Variants in ABLIM2 observed in about 807,000 individuals in gnomAD.
The protein encoded by ABLIM2 is actin binding LIM protein family member 2, also known as actin-binding LIM protein 2.
In ABLIM2, 53 loss-of-function variants were observed where a neutral mutation model predicts 97.7. That is an observed-to-expected ratio of 0.54 (90% CI 0.44 to 0.68). ABLIM2 has a LOEUF of 0.68. Ranked by LOEUF, ABLIM2 falls within the 30% of genes least tolerant of loss-of-function variation. The probability of loss-of-function intolerance (pLI) is 0.00; values close to 1 mark genes in which losing one functional copy is unlikely to be tolerated. For missense variants in ABLIM2, 835 were observed against 867.2 expected, an observed-to-expected ratio of 0.96 and a Z score of 0.47; for synonymous variants, 361 against 345.8, an observed-to-expected ratio of 1.04 and a Z score of -0.49.
At chr4:7,987,909 C>A (rs1182869545) in intron 17 of ABLIM2, among the ~76,000 whole-genome samples, 1 of 152,314 alleles carries the variant, frequency 6.6e-6, no homozygotes, top group African/African-American at 2.4e-5. Context: ...CCAGAGGGCA[C>A]CACAAAGACA....
At chr4:8,042,610 C>T (rs1045830199) in intron 9 of ABLIM2, among the ~76,000 whole-genome samples, 9 of 152,126 alleles carry the variant, frequency 5.9e-5, no homozygotes, top group East Asian at 3.9e-4. Context: ...GCAGGCCAGG[C>T]GAGTGGATCA....
intron 1 of ABLIM2, among the ~76,000 whole-genome samples, chr4:8,133,375 C>T (rs1849700384): frequency 6.6e-6 from 1 of 151,744 alleles, no homozygotes; most frequent in Admixed American, 6.6e-5. Flanking sequence ...CAACATGTCC[C>T]CATTAAGGGA....
At position 8,066,384 on chromosome 4, in the gene ABLIM2, A is replaced by G. The variant is rs1428212303; in HGVS notation, c.676-5330T>C. ...AGGGAAGGAAGGAAGGAAGGAAGGA[A>G]GGAAGGAAGGAAGGAAGGAAGGAAG... On this transcript the variant is annotated intron_variant, in intron 6 of 20. Transcript: ENST00000447017. The G allele has an allele frequency of 2.2e-4, 19 of 86,338 alleles. 2 individuals are homozygous for G. In the Admixed American group the frequency reaches 2.7e-3, roughly 12 times the overall value. 5.3% of individuals were successfully genotyped at this position (86,338 alleles called of 1,614,324 possible).
At chr4:7,977,561 G>T (rs1038277660) in intron 20 of ABLIM2, among the ~76,000 whole-genome samples, 2 of 152,098 alleles carry the variant, frequency 1.3e-5, no homozygotes, top group Non-Finnish European at 2.9e-5. Context: ...AGGCTGAAGT[G>T]GGGGGATCAC....
intron 1 of ABLIM2, among the ~76,000 whole-genome samples, chr4:8,141,149 G>A (rs1850920058): frequency 6.6e-6 from 1 of 152,100 alleles, no homozygotes; most frequent in Non-Finnish European, 1.5e-5. Flanking sequence ...TCAAATCATA[G>A]CCTTGTCTCT....
At chr4:8,131,469 C>T (rs376832405) in intron 1 of ABLIM2, among the ~76,000 whole-genome samples, 6 of 152,170 alleles carry the variant, frequency 3.9e-5, no homozygotes, top group Admixed American at 2.6e-4. Flanking sequence ...GGGACCGGGA[C>T]GAGAACTATG....
rs568549055 is a variant in ABLIM2 at position 8,002,528 on chromosome 4, G to A, written c.1618+5531C>T. ...CAGAAAATGCAACATCTCCTGTCACGCTCGTGTCGTGCTGACGTTCCCCTC... is the reference window on the plus strand; with the variant it reads ...CAGAAAATGCAACATCTCCTGTCACACTCGTGTCGTGCTGACGTTCCCCTC... On this transcript the variant is annotated intron_variant, in intron 16 of 20. Coordinates refer to ENST00000447017, the MANE Select transcript of ABLIM2 (RefSeq NM_001130083.2). The surrounding 1 kb of genome is among the most constrained non-coding windows in gnomAD (Gnocchi z 6.1). 1.2e-4 allele frequency among the ~76,000 whole-genome samples: 19 copies of A among 152,250 alleles called. No individual in the cohort carries two copies. The South Asian group carries it at 3.7e-3, about 30-fold the overall frequency.
rs945217734 is a variant in ABLIM2 at position 7,996,548 on chromosome 4, G to A, written c.1619-3621C>T. Among the ~76,000 whole-genome samples, 4 of 152,300 alleles carry A rather than the reference G, an allele frequency of 2.6e-5. No homozygotes were observed. The highest frequency in any genetic ancestry group is 3.4e-3 in the Middle Eastern group (1 of 294). On this transcript the variant is annotated intron_variant, in intron 16 of 20. Coordinates refer to ENST00000447017, the MANE Select transcript of ABLIM2 (RefSeq NM_001130083.2). The surrounding 1 kb of genome is among the most constrained non-coding windows in gnomAD (Gnocchi z 4.5). ...CGTCTTCTGTTTCCCCTGAGCACCC[G>A]TATCAGATGGTGCTAGAAATTCTGC...
chr4:7,976,950 T>C (rs919260333), intron 20 of ABLIM2, among the ~76,000 whole-genome samples: 2 of 151,900 alleles, frequency 1.3e-5, no homozygotes, highest in Admixed American at 1.3e-4. Flanking sequence ...CATACATACA[T>C]ACACACAGTC....
intron 1 of ABLIM2, among the ~76,000 whole-genome samples, chr4:8,146,496 G>T (rs1237104818): frequency 1.3e-5 from 2 of 152,198 alleles, no homozygotes; most frequent in Non-Finnish European, 2.9e-5. Context: ...AGCAGTCATT[G>T]TCCTTTTGCG....
rs1303468949 is a variant in ABLIM2, at chr4:8,044,071, T to C, written c.900+1093A>G. The stretch of plus-strand genomic sequence containing the variant: ...CTCAGTGGCACTGTCAGGATTAAGG[T>C]CAGGAAGGACCCTGTGTCCAACCAC... On this transcript the variant is annotated intron_variant, in intron 9 of 20. Transcript: ENST00000447017. The surrounding 1 kb of genome is among the most constrained non-coding windows in gnomAD (Gnocchi z 4.4). 6.6e-6 allele frequency among the ~76,000 whole-genome samples: 1 copy of C among 152,058 alleles called. No homozygotes were observed. Among genetic ancestry groups the C allele is most frequent in the African/African-American group, 2.4e-5 (1 of 41,398 alleles).
intron 12 of ABLIM2, among the ~76,000 whole-genome samples, chr4:8,025,130 G>A (rs1310032275): frequency 6.6e-6 from 1 of 152,166 alleles, no homozygotes; most frequent in African/African-American, 2.4e-5. Context: ...GTTTCACCAT[G>A]TTGGCCAGGC....
chr4:8,144,615 C>T (rs1851504869), intron 1 of ABLIM2, among the ~76,000 whole-genome samples: 1 of 152,212 alleles, frequency 6.6e-6, no homozygotes, highest in African/African-American at 2.4e-5. Context: ...AGCTCCAGTG[C>T]CAGCCCAGCG....
intron 14 of ABLIM2, among the ~76,000 whole-genome samples, chr4:8,014,048 C>T (rs946462901): frequency 6.6e-6 from 1 of 152,230 alleles, no homozygotes; most frequent in African/African-American, 2.4e-5. Flanking sequence ...GCCAGGGGTG[C>T]CAGCCAAGGC....
At position 7,996,497 on chromosome 4, in the gene ABLIM2, C is replaced by T. The variant is rs954544317; in HGVS notation, c.1619-3570G>A. ...TCCGCGAAGGCCATTTTATCCTCCCCACTTTGACTATGATAGTCTCAGGGA... is the reference window on the plus strand; with the variant it reads ...TCCGCGAAGGCCATTTTATCCTCCCTACTTTGACTATGATAGTCTCAGGGA... On this transcript the variant is annotated intron_variant, in intron 16 of 20. Transcript: ENST00000447017. This position sits in a 1 kb window ranked among gnomAD's most constrained non-coding sequence, Gnocchi z 4.5. Among the ~76,000 whole-genome samples the T allele has an allele frequency of 2.0e-5, 3 of 152,228 alleles. No homozygotes were observed. Among genetic ancestry groups the T allele is most frequent in the African/African-American group, 7.2e-5 (3 of 41,476 alleles).
Position 8,010,228 on chromosome 4 carries a change from C to T in ABLIM2, c.1424-1126G>A, listed in dbSNP as rs76025863. Among the ~76,000 whole-genome samples the T allele has an allele frequency of 3.9e-5, 6 of 152,194 alleles. No individual in the cohort carries two copies. The East Asian group carries it at 7.7e-4, about 20-fold the overall frequency. ...CACCCAGCTGGGCTGACATTTCCAG[C>T]GAAGAATGAGCAAATAAATCACACA... On this transcript the variant is annotated intron_variant, in intron 14 of 20. Coordinates refer to ENST00000447017, the MANE Select transcript of ABLIM2 (RefSeq NM_001130083.2).
Position 8,156,516 on chromosome 4 carries a change from C to G in ABLIM2, c.10+2164G>C, listed in dbSNP as rs551260220. On this transcript the variant is annotated intron_variant, in intron 1 of 20. Transcript: ENST00000447017. ...GGCAACTGCATGGCCTCGATCCACA[C>G]CTGGGTCATCCTGGAGGTGCCCTGT... Among the ~76,000 whole-genome samples, 12 of 152,376 alleles carry G rather than the reference C, an allele frequency of 7.9e-5. No homozygotes were observed. In the East Asian group the frequency reaches 2.3e-3, roughly 29 times the overall value.
chr4:7,988,593 G>A (rs1746268322), intron 17 of ABLIM2, among the ~76,000 whole-genome samples: 1 of 152,250 alleles, frequency 6.6e-6, no homozygotes, highest in Non-Finnish European at 1.5e-5. Flanking sequence ...GCTCACATTG[G>A]AATGTGTTAC....
intron 1 of ABLIM2, among the ~76,000 whole-genome samples, chr4:8,116,159 C>T (rs993650050): frequency 1.3e-5 from 2 of 152,236 alleles, no homozygotes; most frequent in Non-Finnish European, 2.9e-5. Flanking sequence ...CCCCTCCCAA[C>T]CCGTGAATGT....
Sources: gnomAD v4.1 joint callset for allele counts (sites outside exome capture counted in the v4.1 genomes callset) on GRCh38, gnomAD v4.1.1 for gene constraint, Gnocchi (gnomAD v3.1) non-coding constraint, MANE v1.5 for transcripts, NCBI Gene and HGNC (gene_info 2026-07-23, HGNC 2026-07-21) for gene names.